PPP2R2A: variants seen among roughly 807,000 people sequenced by gnomAD.
PPP2R2A encodes serine/threonine-protein phosphatase 2A 55 kDa regulatory subunit B alpha isoform.
A neutral mutation model predicts 53.2 loss-of-function variants in PPP2R2A; 9 were observed. The ratio of observed to expected loss-of-function variants is 0.17; its 90% confidence interval spans 0.10 to 0.30. The LOEUF (loss-of-function observed/expected upper bound fraction) is 0.30. Ranked by LOEUF, PPP2R2A falls within the 10% of genes least tolerant of loss-of-function variation. The pLI is 1.00. For missense variants in PPP2R2A, 235 were observed against 534.6 expected, an observed-to-expected ratio of 0.44 and a Z score of 5.53; for synonymous variants, 169 against 174.2, an observed-to-expected ratio of 0.97 and a Z score of 0.23.
At chr8:26,340,368 C>G (rs1024983867) in intron 3 of PPP2R2A, among the ~76,000 whole-genome samples, 2 of 151,952 alleles carry the variant, frequency 1.3e-5, no homozygotes, top group African/African-American at 4.8e-5. Flanking sequence ...TGCTAGATAA[C>G]CAAAATGTGA....
intron 3 of PPP2R2A, among the ~76,000 whole-genome samples, chr8:26,342,851 A>T (rs1242060199): frequency 6.6e-6 from 1 of 152,182 alleles, no homozygotes; most frequent in African/African-American, 2.4e-5. Flanking sequence ...TGATAGTATT[A>T]CCTTTCTAAA....
chr8:26,313,207 G>T (rs910380213), intron 2 of PPP2R2A, among the ~76,000 whole-genome samples: 5 of 151,726 alleles, frequency 3.3e-5, no homozygotes, highest in African/African-American at 7.3e-5. Context: ...CTAATTTTTT[G>T]TATTTTTAGT....
Position 26,292,343 on chromosome 8 carries a change from A to T in PPP2R2A, c.7+517A>T, listed in dbSNP as rs77102011. 21 of 986,636 alleles carry T rather than the reference A, an allele frequency of 2.1e-5. No homozygotes were observed. In the East Asian group the frequency reaches 2.4e-3, roughly 111 times the overall value. The allele number at this position is 986,636 out of a possible 1,614,324, so 61.1% of individuals were successfully genotyped here. On this transcript the variant is annotated intron_variant, in intron 1 of 9. Coordinates refer to ENST00000380737, the MANE Select transcript of PPP2R2A (RefSeq NM_002717.4). ...TATGTGTATTTTTTCCCCACTGTAG[A>T]TGCCAATATTTTTGAGACTGGAAGC...
At chr8:26,334,464 G>C (rs1015201739) in intron 2 of PPP2R2A, among the ~76,000 whole-genome samples, 2 of 152,070 alleles carry the variant, frequency 1.3e-5, no homozygotes, top group African/African-American at 4.8e-5. Flanking sequence ...GTCAGTATCC[G>C]GCCAGGTACG....
chr8:26,303,920 C>T (rs1801900666), intron 2 of PPP2R2A, among the ~76,000 whole-genome samples: 1 of 152,164 alleles, frequency 6.6e-6, no homozygotes, highest in Non-Finnish European at 1.5e-5. Flanking sequence ...GCTCTTGTAG[C>T]TTTTAGTTTC....
At chr8:26,327,709 T>A (rs1002068430) in intron 2 of PPP2R2A, among the ~76,000 whole-genome samples, 4 of 152,182 alleles carry the variant, frequency 2.6e-5, no homozygotes, top group Non-Finnish European at 5.9e-5. Context: ...AGATGTATTA[T>A]CCAGTAAAAT....
At chr8:26,357,321 A>G (rs1479229346) in intron 4 of PPP2R2A, among the ~76,000 whole-genome samples, 4 of 134,616 alleles carry the variant, frequency 3.0e-5, no homozygotes, top group Non-Finnish European at 3.2e-5. Flanking sequence ...TATAAAAACT[A>G]TATCTGTGGG....
At position 26,291,703 on chromosome 8, in the gene PPP2R2A, C is replaced by CCCCCCG; in HGVS notation, c.-117_-116insCCCCCG. Reference sequence around the variant, plus strand: ...CCCCCCGGCCCCCGTCCCCTCCCCCCGCAGGTGCCATCCGCCGCCATCCGC... The same window carrying CCCCCCG: ...CCCCCCGGCCCCCGTCCCCTCCCCCCCCCCCGGCAGGTGCCATCCGCCGCCATCCGC... On this transcript the variant is annotated 5_prime_UTR_variant, in exon 1 of 10. Transcript: ENST00000380737. 1 of 825,260 alleles carries CCCCCCG rather than the reference C, an allele frequency of 1.2e-6. No individual in the cohort carries two copies. The allele number at this position is 825,260 out of a possible 1,614,324, so 51.1% of individuals were successfully genotyped here.
chr8:26,357,290 C>T lies in PPP2R2A; in HGVS notation c.346+2657C>T, dbSNP rs1009405632. ...TTCTGTGAGCATAGTAACACCCCCC[C>T]CCCCCAATATAATGGGTCTATATAA... On this transcript the variant is annotated intron_variant, in intron 4 of 9. Coordinates refer to ENST00000380737, the MANE Select transcript of PPP2R2A (RefSeq NM_002717.4). Among the ~76,000 whole-genome samples the T allele has an allele frequency of 1.6e-3, 236 of 145,010 alleles. 4 individuals carry two copies. The highest frequency in any genetic ancestry group is 5.6e-3 in the Admixed American group (82 of 14,654).
chr8:26,336,176 C>T (rs1310668002), intron 2 of PPP2R2A, among the ~76,000 whole-genome samples: 1 of 152,112 alleles, frequency 6.6e-6, no homozygotes, highest in East Asian at 1.9e-4. Flanking sequence ...GTAATCCCAG[C>T]ACTTTGGGAG....
intron 2 of PPP2R2A, among the ~76,000 whole-genome samples, chr8:26,312,149 G>A (rs924143297): frequency 6.6e-6 from 1 of 152,208 alleles, no homozygotes; most frequent in African/African-American, 2.4e-5. Flanking sequence ...AAATTCTCCA[G>A]AAGTCTGAAG....
intron 2 of PPP2R2A, among the ~76,000 whole-genome samples, chr8:26,330,464 A>T (rs1357379263): frequency 6.6e-6 from 1 of 151,806 alleles, no homozygotes; most frequent in African/African-American, 2.4e-5. Context: ...AGTAGCCGGG[A>T]CCGCAGGAGC....
intron 2 of PPP2R2A, among the ~76,000 whole-genome samples, chr8:26,298,362 C>G (rs1801635586): frequency 6.6e-6 from 1 of 152,224 alleles, no homozygotes; most frequent in African/African-American, 2.4e-5. Flanking sequence ...CTTGGTGCTT[C>G]ATTTCCTTTT....
At chr8:26,347,979 T>G (rs933828747) in intron 3 of PPP2R2A, among the ~76,000 whole-genome samples, 1 of 152,206 alleles carries the variant, frequency 6.6e-6, no homozygotes, top group Non-Finnish European at 1.5e-5. Context: ...GTGTTGAGAG[T>G]AGTTATCAGA....
rs951483644 is a variant in PPP2R2A, at chr8:26,372,495, T to C, written c.*2082T>C. 6.6e-6 allele frequency: 1 copy of C among 152,210 alleles called. No homozygotes were observed. The highest frequency in any genetic ancestry group is 1.5e-5 in the Non-Finnish European group (1 of 68,042). The allele number at this position is 152,210 out of a possible 1,614,324, so 9.4% of individuals were successfully genotyped here. A position where few individuals can be genotyped will look rare whatever the true frequency, so the allele number is the denominator to read the frequency against. On this transcript the variant is annotated 3_prime_UTR_variant, in exon 10 of 10. Transcript: ENST00000380737. ...CTCCATGACACTAAGGATTAGTTTA[T>C]ATATTTAAGAGAAATAATTGCTAAA...
At chr8:26,340,410 C>A (rs952494723) in intron 3 of PPP2R2A, among the ~76,000 whole-genome samples, 1 of 151,956 alleles carries the variant, frequency 6.6e-6, no homozygotes, top group Non-Finnish European at 1.5e-5. Context: ...AGCAGACCTT[C>A]CCATAGGTGT....
intron 4 of PPP2R2A, among the ~76,000 whole-genome samples, chr8:26,357,227 C>G (rs527676800): frequency 7.0e-6 from 1 of 142,788 alleles, no homozygotes; most frequent in African/African-American, 2.6e-5. Flanking sequence ...TGAGTGATAT[C>G]TTTTATATTA....
In PPP2R2A at chr8:26,372,018, TCCACTA is replaced by T. The variant is rs1179750560; in HGVS notation, c.*1608_*1613del. The T allele has an allele frequency of 6.6e-6, 1 of 152,212 alleles. No individual in the cohort carries two copies. Among genetic ancestry groups the T allele is most frequent in the African/African-American group, 2.4e-5 (1 of 41,456 alleles). The allele number at this position is 152,212 out of a possible 1,614,324, so 9.4% of individuals were successfully genotyped here. A position where few individuals can be genotyped will look rare whatever the true frequency, so the allele number is the denominator to read the frequency against. On this transcript the variant is annotated 3_prime_UTR_variant, in exon 10 of 10. Coordinates refer to ENST00000380737, the MANE Select transcript of PPP2R2A (RefSeq NM_002717.4). ...TCAGAGGACTCTGAGTGCTTCTATGTCCACTACCTATTGTTCTATTCTTCAATAATG... is the reference window on the plus strand; with the variant it reads ...TCAGAGGACTCTGAGTGCTTCTATGTCCTATTGTTCTATTCTTCAATAATG...
intron 9 of PPP2R2A, among the ~76,000 whole-genome samples, chr8:26,369,862 C>T (rs1055431644): frequency 3.9e-5 from 6 of 152,146 alleles, no homozygotes; most frequent in African/African-American, 9.7e-5. Flanking sequence ...TACTTAACAA[C>T]GATAATTCTG....
Sources: gnomAD v4.1 joint callset for allele counts (sites outside exome capture counted in the v4.1 genomes callset) on GRCh38, gnomAD v4.1.1 for gene constraint, MANE v1.5 for transcripts, NCBI Gene and HGNC (gene_info 2026-07-23, HGNC 2026-07-21) for gene names.